Variants in ZMYM4 observed in about 807,000 individuals in gnomAD.
ZMYM4 encodes the protein zinc finger MYM-type containing 4.
Under a neutral mutation model 183.2 loss-of-function variants are expected in ZMYM4, and 31 were observed. That is an observed-to-expected ratio of 0.17 (90% CI 0.13 to 0.23). The LOEUF is 0.23. ZMYM4 is among the 10% of genes least tolerant of loss of function. The probability of loss-of-function intolerance (pLI) is 1.00; values close to 1 mark genes in which losing one functional copy is unlikely to be tolerated. For synonymous variants in ZMYM4, 592 were observed against 631.2 expected, an observed-to-expected ratio of 0.94 and a Z score of 0.93; for missense variants, 1,273 against 1,840.3, an observed-to-expected ratio of 0.69 and a Z score of 5.64.
intron 11 of ZMYM4, 137 bp from the exon 12 acceptor site, chr1:35,386,866 T>C (rs1419039028): frequency 1.1e-6 from 1 of 875,016 alleles, no homozygotes; most frequent in African/African-American, 1.7e-5. Flanking sequence ...CGTAATAAGC[T>C]GCTCAGAGGC....
rs547112883 is a variant in ZMYM4 at position 35,405,584 on chromosome 1, G to T, written c.3796+116G>T. 9.7e-6 allele frequency: 8 copies of T among 825,204 alleles called. No individual in the cohort carries two copies. The East Asian group carries it at 2.4e-4, about 25-fold the overall frequency. 51.1% of individuals were successfully genotyped at this position (825,204 alleles called of 1,614,324 possible). A position where few individuals can be genotyped will look rare whatever the true frequency, so the allele number is the denominator to read the frequency against. On this transcript the variant is annotated intron_variant, in intron 25 of 29. Coordinates refer to ENST00000314607, the MANE Select transcript of ZMYM4 (RefSeq NM_005095.3). The stretch of plus-strand genomic sequence containing the variant: ...ATTTAGAGTATTAAGGTTAGAAAGA[G>T]AAATTAATCTTATCCCGTTTTAAGG...
intron 13 of ZMYM4, 63 bp from the exon 14 acceptor site, chr1:35,388,847 A>G: frequency 6.6e-7 from 1 of 1,525,442 alleles, no homozygotes; most frequent in Non-Finnish European, 9.0e-7. Flanking sequence ...GTCCTAGGCC[A>G]TTTAAAGTTG....
intron 1 of ZMYM4, among the ~76,000 whole-genome samples, chr1:35,312,403 CAT>C (rs1213845701): frequency 6.6e-6 from 1 of 152,078 alleles, no homozygotes; most frequent in Non-Finnish European, 1.5e-5. Context: ...ATATACATAA[CAT>C]AAAATCTTCC....
At chr1:35,335,494 C>T (rs760413444) in intron 2 of ZMYM4, among the ~76,000 whole-genome samples, 4 of 152,084 alleles carry the variant, frequency 2.6e-5, no homozygotes, top group Non-Finnish European at 5.9e-5. Context: ...TCCGCCTCTG[C>T]CTCGCAAATG....
At chr1:35,281,012 C>T (rs1311198829) in intron 1 of ZMYM4, among the ~76,000 whole-genome samples, 3 of 152,206 alleles carry the variant, frequency 2.0e-5, no homozygotes, top group African/African-American at 4.8e-5. Context: ...AGGTCGGGTG[C>T]GATGGCTCAC....
In ZMYM4 at chr1:35,389,707, A is replaced by G. The variant is rs1644658648; in HGVS notation, c.2437-241A>G. On this transcript the variant is annotated intron_variant, in intron 14 of 29. Coordinates refer to ENST00000314607, the MANE Select transcript of ZMYM4 (RefSeq NM_005095.3). This position sits in a 1 kb window ranked among gnomAD's most constrained non-coding sequence, Gnocchi z 4.0. ...GAGGTGGAGCTTGCAGTGAGCTGAGATCACGCCACTGCACTCCAGCCTGGG... is the reference window on the plus strand; with the variant it reads ...GAGGTGGAGCTTGCAGTGAGCTGAGGTCACGCCACTGCACTCCAGCCTGGG... Among the ~76,000 whole-genome samples the G allele has an allele frequency of 6.6e-6, 1 of 151,346 alleles. No homozygotes were observed. The highest frequency in any genetic ancestry group is 2.4e-5 in the African/African-American group (1 of 41,180).
chr1:35,297,542 G>A (rs1355983255), intron 1 of ZMYM4, among the ~76,000 whole-genome samples: 2 of 152,028 alleles, frequency 1.3e-5, no homozygotes, highest in Non-Finnish European at 2.9e-5. Flanking sequence ...TTCTCTGACT[G>A]TGACTTGAGC....
chr1:35,357,049 G>A (rs1204998874), intron 2 of ZMYM4, among the ~76,000 whole-genome samples: 2 of 152,130 alleles, frequency 1.3e-5, no homozygotes, highest in South Asian at 4.1e-4. Flanking sequence ...ACACCTGGCT[G>A]ATTAAAACAA....
rs915459507 is a variant in ZMYM4 at position 35,389,165 on chromosome 1, A to G, written c.2436+83A>G. ...AAAATTTCATGTCACATAAAGGACA[A>G]TTTAATTATTTAAAACTTTTAAGTA... On this transcript the variant is annotated intron_variant, in intron 14 of 29. Coordinates refer to ENST00000314607, the MANE Select transcript of ZMYM4 (RefSeq NM_005095.3). The surrounding 1 kb of genome is among the most constrained non-coding windows in gnomAD (Gnocchi z 4.0). 5.9e-6 allele frequency: 8 copies of G among 1,360,956 alleles called. No homozygotes were observed. The African/African-American group carries it at 1.0e-4, about 18-fold the overall frequency. The allele number at this position is 1,360,956 out of a possible 1,614,324, so 84.3% of individuals were successfully genotyped here.
chr1:35,343,533 C>T lies in ZMYM4; in HGVS notation c.86-15392C>T, dbSNP rs141903794. Among the ~76,000 whole-genome samples, 367 of 152,038 alleles carry T rather than the reference C, an allele frequency of 2.4e-3. 2 individuals carry two copies. Among genetic ancestry groups the T allele is most frequent in the African/African-American group, 7.8e-3 (325 of 41,462 alleles). On this transcript the variant is annotated intron_variant, in intron 2 of 29. Coordinates refer to ENST00000314607, the MANE Select transcript of ZMYM4 (RefSeq NM_005095.3). ...CAAATCCGTATGTTTATCCTTAGGC[C>T]AATATCACACTGTCTTGGTTAATTT...
At position 35,392,542 on chromosome 1, in the gene ZMYM4, T is replaced by C. The variant is rs936075176; in HGVS notation, c.2729-105T>C. 12 of 1,292,722 alleles carry C rather than the reference T, an allele frequency of 9.3e-6. No homozygotes were observed. The African/African-American group carries it at 1.7e-4, about 18-fold the overall frequency. The allele number at this position is 1,292,722 out of a possible 1,614,324, so 80.1% of individuals were successfully genotyped here. On this transcript the variant is annotated intron_variant, in intron 16 of 29. Coordinates refer to ENST00000314607, the MANE Select transcript of ZMYM4 (RefSeq NM_005095.3). ...TCTTCCGTTGAATTAAAAAAACACA[T>C]GTTCTTAGTATGAGGGTTTGTGTTT...
At chr1:35,286,528 C>T (rs12142132) in intron 1 of ZMYM4, among the ~76,000 whole-genome samples, 1 of 151,364 alleles carries the variant, frequency 6.6e-6, no homozygotes, top group Non-Finnish European at 1.5e-5. Context: ...AAGTTAGAAT[C>T]TTTATGAGAT....
rs1191835811 is a variant in ZMYM4 at position 35,299,699 on chromosome 1, A to AGGC, written c.40-25661_40-25660insGGC. 1.1e-3 allele frequency among the ~76,000 whole-genome samples: 161 copies of AGGC among 152,368 alleles called. 3 individuals are homozygous for AGGC. In the South Asian group the frequency reaches 0.032, roughly 31 times the overall value. ...GCCTGGTAAGTTGCAGAAAGCAACCAATCAAAGGCTAAAGTGAAGTTACAA... is the reference window on the plus strand; with the variant it reads ...GCCTGGTAAGTTGCAGAAAGCAACCAGGCATCAAAGGCTAAAGTGAAGTTACAA... On this transcript the variant is annotated intron_variant, in intron 1 of 29. Coordinates refer to ENST00000314607, the MANE Select transcript of ZMYM4 (RefSeq NM_005095.3).
intron 24 of ZMYM4, 50 bp from the exon 25 acceptor site, chr1:35,405,323 C>T (rs545488652): frequency 1.3e-5 from 20 of 1,577,728 alleles, no homozygotes; most frequent in Admixed American, 6.0e-5. Context: ...TAATTTTTTC[C>T]GCACTTTTAT....
At chr1:35,356,769 A>G (rs952536015) in intron 2 of ZMYM4, among the ~76,000 whole-genome samples, 4 of 152,216 alleles carry the variant, frequency 2.6e-5, no homozygotes, top group African/African-American at 4.8e-5. Flanking sequence ...GAATACTTCA[A>G]GCAGTGGGGA....
At chr1:35,283,397 G>A (rs1384014437) in intron 1 of ZMYM4, among the ~76,000 whole-genome samples, 1 of 138,452 alleles carries the variant, frequency 7.2e-6, no homozygotes, top group Non-Finnish European at 1.5e-5. Context: ...GAGTGCAGTG[G>A]CGCAATCTCA....
intron 5 of ZMYM4, 52 bp from the exon 6 acceptor site, chr1:35,369,977 T>C: frequency 7.5e-7 from 1 of 1,329,486 alleles, no homozygotes; most frequent in Non-Finnish European, 1.1e-6. Context: ...TGGATGTCTT[T>C]AGGTATTTAT....
chr1:35,310,941 G>C (rs1041729420), intron 1 of ZMYM4, among the ~76,000 whole-genome samples: 1 of 151,760 alleles, frequency 6.6e-6, no homozygotes, highest in African/African-American at 2.4e-5. Context: ...TTGACATTTG[G>C]TGCATACTGG....
intron 7 of ZMYM4, among the ~76,000 whole-genome samples, chr1:35,379,267 A>AT (rs374983161): frequency 0.019 from 2,843 of 152,074 alleles, 85 homozygotes; most frequent in African/African-American, 0.064. Context: ...CGCCCAGCTA[A>AT]TTTTTCTATT....
Sources: allele counts gnomAD v4.1 joint callset (sites outside exome capture counted in the v4.1 genomes callset), GRCh38; gene constraint gnomAD v4.1.1; non-coding constraint Gnocchi (gnomAD v3.1); transcripts MANE v1.5; gene names NCBI Gene and HGNC (gene_info 2026-07-23, HGNC 2026-07-21).